The following ADAMTS19 variants were observed in gnomAD, a reference collection of about 807,000 sequenced individuals.
The protein encoded by ADAMTS19 is A disintegrin and metalloproteinase with thrombospondin motifs 19.
ADAMTS19 carries 93 observed loss-of-function variants against 153.3 expected under a neutral mutation model. The ratio of observed to expected loss-of-function variants is 0.61; its 90% confidence interval spans 0.51 to 0.72. ADAMTS19 has a LOEUF of 0.72. ADAMTS19 is among the 30% of genes least tolerant of loss of function. The probability of loss-of-function intolerance (pLI) is 0.00; values close to 1 mark genes in which losing one functional copy is unlikely to be tolerated. For synonymous variants in ADAMTS19, 600 were observed against 556.6 expected, an observed-to-expected ratio of 1.08 and a Z score of -1.10; for missense variants, 1,482 against 1,552.1, an observed-to-expected ratio of 0.95 and a Z score of 0.76.
intron 8 of ADAMTS19, among the ~76,000 whole-genome samples, chr5:129,601,017 C>T (rs542869561): frequency 1.3e-3 from 193 of 152,086 alleles, no homozygotes; most frequent in Middle Eastern, 0.01. Context: ...ATTACAGGTG[C>T]GTGCCACCAC....
At chr5:129,704,998 A>G (rs986809538) in intron 21 of ADAMTS19, among the ~76,000 whole-genome samples, 3 of 152,210 alleles carry the variant, frequency 2.0e-5, no homozygotes, top group African/African-American at 7.2e-5. Flanking sequence ...GCTGTAGAAA[A>G]TGTCTGACCT....
At chr5:129,665,103 C>T (rs1487017506) in intron 15 of ADAMTS19, among the ~76,000 whole-genome samples, 11 of 152,068 alleles carry the variant, frequency 7.2e-5, no homozygotes, top group Non-Finnish European at 1.5e-4. Flanking sequence ...GCTATATATT[C>T]TTTTTCCCCA....
At chr5:129,463,613 G>A (rs1749762628) in intron 2 of ADAMTS19, among the ~76,000 whole-genome samples, 1 of 152,134 alleles carries the variant, frequency 6.6e-6, no homozygotes, top group African/African-American at 2.4e-5. Flanking sequence ...GGGTGGGTTT[G>A]TTACTCTAGA....
intron 6 of ADAMTS19, among the ~76,000 whole-genome samples, chr5:129,533,378 T>A (rs183904843): frequency 3.9e-5 from 6 of 152,210 alleles, no homozygotes; most frequent in Non-Finnish European, 8.8e-5. Context: ...AGTTTTACCA[T>A]AATAAAGTTG....
intron 2 of ADAMTS19, among the ~76,000 whole-genome samples, chr5:129,487,081 G>T (rs934234912): frequency 1.1e-4 from 16 of 152,136 alleles, no homozygotes; most frequent in Non-Finnish European, 2.1e-4. Context: ...TGTTTTCCAA[G>T]AATAATTTTT....
chr5:129,482,625 T>G (rs2126673347), intron 2 of ADAMTS19, among the ~76,000 whole-genome samples: 1 of 152,328 alleles, frequency 6.6e-6, no homozygotes, highest in African/African-American at 2.4e-5. Context: ...CATACATGTT[T>G]GCAAAATTCA....
intron 6 of ADAMTS19, among the ~76,000 whole-genome samples, chr5:129,529,779 T>A (rs1288803922): frequency 1.3e-5 from 2 of 152,038 alleles, no homozygotes; most frequent in Non-Finnish European, 2.9e-5. Context: ...ACGTGAGAAC[T>A]TGGCAAGGGC....
chr5:129,599,283 A>T (rs1221457411), intron 8 of ADAMTS19, among the ~76,000 whole-genome samples: 1 of 152,120 alleles, frequency 6.6e-6, no homozygotes, highest in Non-Finnish European at 1.5e-5. Context: ...ATTTGAAGGA[A>T]AAATGCTGAG....
At chr5:129,694,481 A>G (rs925014215) in intron 18 of ADAMTS19, among the ~76,000 whole-genome samples, 1 of 152,096 alleles carries the variant, frequency 6.6e-6, no homozygotes, top group African/African-American at 2.4e-5. Context: ...ATAAAGATAA[A>G]TATTTAAATG....
At chr5:129,676,305 CTT>C (rs1327997916) in intron 16 of ADAMTS19, among the ~76,000 whole-genome samples, 1 of 152,134 alleles carries the variant, frequency 6.6e-6, no homozygotes, top group African/African-American at 2.4e-5. Flanking sequence ...CTTCTTGAGG[CTT>C]TTTAAAAGCT....
intron 5 of ADAMTS19, 126 bp downstream of exon 5, chr5:129,527,957 A>G (rs1041600271): frequency 7.0e-6 from 4 of 567,934 alleles, no homozygotes; most frequent in African/African-American, 5.8e-5. Context: ...CACTTAAAGT[A>G]TACATAAAAC....
At chr5:129,470,794 C>T (rs547822010) in intron 2 of ADAMTS19, among the ~76,000 whole-genome samples, 128 of 152,152 alleles carry the variant, frequency 8.4e-4, no homozygotes, top group Admixed American at 2.8e-3. Flanking sequence ...GCTGGTGAGC[C>T]CAGGCCAGTT....
At chr5:129,731,671 G>T (rs1757449502) in intron 21 of ADAMTS19, among the ~76,000 whole-genome samples, 2 of 151,970 alleles carry the variant, frequency 1.3e-5, no homozygotes, top group Non-Finnish European at 2.9e-5. Context: ...AAAGAGATGA[G>T]CCCAATGATG....
chr5:129,738,607 CA>C lies in ADAMTS19; in HGVS notation c.*1391del, dbSNP rs1396633687. 2 of 151,964 alleles carry C rather than the reference CA, an allele frequency of 1.3e-5. No individual in the cohort carries two copies. Among genetic ancestry groups the C allele is most frequent in the African/African-American group, 4.8e-5 (2 of 41,388 alleles). 9.4% of individuals were successfully genotyped at this position (151,964 alleles called of 1,614,324 possible). A position where few individuals can be genotyped will look rare whatever the true frequency, so the allele number is the denominator to read the frequency against. ...ATGTCACCCTTTGGGAAATGGGGCT[CA>C]ACGAGCCAGTACAGGAAAAGCTGAT... On this transcript the variant is annotated 3_prime_UTR_variant, in exon 23 of 23. Coordinates refer to ENST00000274487, the MANE Select transcript of ADAMTS19 (RefSeq NM_133638.6).
intron 5 of ADAMTS19, 91 bp from the exon 6 acceptor site, chr5:129,528,429 T>A: frequency 9.2e-7 from 1 of 1,088,206 alleles, no homozygotes; most frequent in Admixed American, 3.1e-5. Context: ...GCTTTAGTAA[T>A]TCAAGAGTGC....
chr5:129,611,764 G>T (rs2126955904), intron 8 of ADAMTS19, among the ~76,000 whole-genome samples: 1 of 152,076 alleles, frequency 6.6e-6, no homozygotes, highest in South Asian at 2.1e-4. Flanking sequence ...TACTCCTCGA[G>T]AAGAACAACT....
At chr5:129,724,952 C>T (rs1757145668) in intron 21 of ADAMTS19, among the ~76,000 whole-genome samples, 2 of 152,122 alleles carry the variant, frequency 1.3e-5, no homozygotes, top group South Asian at 4.1e-4. Flanking sequence ...CAATGTTGAA[C>T]ATATCTGGGC....
intron 2 of ADAMTS19, among the ~76,000 whole-genome samples, chr5:129,478,766 A>G (rs953455756): frequency 5.9e-5 from 9 of 152,148 alleles, no homozygotes; most frequent in African/African-American, 2.2e-4. Flanking sequence ...TTGGTATTGA[A>G]CTGCTGAGCT....
chr5:129,701,298 G>A, intron 19 of ADAMTS19, 90 bp from the exon 20 acceptor site: 1 of 1,445,084 alleles, frequency 6.9e-7, no homozygotes, highest in Non-Finnish European at 9.6e-7. Context: ...CCAGTCTTGG[G>A]TATGTCTTTA....
Sources: allele counts gnomAD v4.1 joint callset (sites outside exome capture counted in the v4.1 genomes callset), GRCh38; gene constraint gnomAD v4.1.1; transcripts MANE v1.5; gene names NCBI Gene and HGNC (gene_info 2026-07-23, HGNC 2026-07-21).